MACROD1: variants seen among roughly 807,000 people sequenced by gnomAD.
MACROD1 encodes the protein ADP-ribose glycohydrolase MACROD1.
In MACROD1, 31 loss-of-function variants were observed where a neutral mutation model predicts 41.4. The observed-to-expected ratio is 0.75, with a 90% confidence interval of 0.56 to 1.01. MACROD1 has a LOEUF of 1.01. MACROD1 is among the 50% of genes least tolerant of loss of function. MACROD1 has a pLI of 0.00. For missense variants in MACROD1, 473 were observed against 460.0 expected (o/e 1.03, Z -0.26); for synonymous variants, 252 against 203.4 (o/e 1.24, Z -2.03).
rs1398012917 is a variant in MACROD1, at chr11:64,122,335, G to A, written c.517+28904C>T. On this transcript the variant is annotated intron_variant, in intron 3 of 10. Coordinates refer to ENST00000255681, the MANE Select transcript of MACROD1 (RefSeq NM_014067.4). The surrounding 1 kb of genome is among the most constrained non-coding windows in gnomAD (Gnocchi z 4.0). Reference sequence around the variant, plus strand: ...GGCCAGGATGCAGGTCCGGAGCCAAGAGCAGGGGCATTGCACCTTCCTGGC... The same window carrying A: ...GGCCAGGATGCAGGTCCGGAGCCAAAAGCAGGGGCATTGCACCTTCCTGGC... 6.6e-6 allele frequency among the ~76,000 whole-genome samples: 1 copy of A among 152,212 alleles called. No homozygotes were observed. The highest frequency in any genetic ancestry group is 2.4e-5 in the African/African-American group (1 of 41,462).
intron 3 of MACROD1, among the ~76,000 whole-genome samples, chr11:64,029,376 C>G (rs1417897769): frequency 1.3e-5 from 2 of 152,124 alleles, no homozygotes; most frequent in Non-Finnish European, 2.9e-5. Flanking sequence ...TGGGGGGATC[C>G]CCAGTAGAGG....
In MACROD1 at chr11:64,122,813, T is replaced by A. The variant is rs1240671784; in HGVS notation, c.517+28426A>T. ...ATCCCTGAAGGGTTGGAGGGGCTGG[T>A]CAGGGCCTGAGCAGAGGACAGGCTG... On this transcript the variant is annotated intron_variant, in intron 3 of 10. Transcript: ENST00000255681. The surrounding 1 kb of genome is among the most constrained non-coding windows in gnomAD (Gnocchi z 4.0). 2.0e-5 allele frequency among the ~76,000 whole-genome samples: 3 copies of A among 152,090 alleles called. No homozygotes were observed. Among genetic ancestry groups the A allele is most frequent in the Non-Finnish European group, 2.9e-5 (2 of 68,016 alleles).
intron 3 of MACROD1, among the ~76,000 whole-genome samples, chr11:64,150,650 A>G (rs2134702026): frequency 6.6e-6 from 1 of 152,136 alleles, no homozygotes; most frequent in Admixed American, 6.5e-5. Context: ...CCAGACAACC[A>G]CTAGCTGTGT....
At position 64,012,897 on chromosome 11, in the gene MACROD1, G is replaced by A. The variant is rs186221139; in HGVS notation, c.547+2355C>T. On this transcript the variant is annotated intron_variant, in intron 4 of 10. Coordinates refer to ENST00000255681, the MANE Select transcript of MACROD1 (RefSeq NM_014067.4). ...GTCACCCTGGCTGGAGGGCAGTGGCGCAATCATGGCTCACTGCAGCCTTAA... is the reference window on the plus strand; with the variant it reads ...GTCACCCTGGCTGGAGGGCAGTGGCACAATCATGGCTCACTGCAGCCTTAA... 2.0e-3 allele frequency among the ~76,000 whole-genome samples: 307 copies of A among 152,198 alleles called. 1 individual carries two copies. Among genetic ancestry groups the A allele is most frequent in the African/African-American group, 6.8e-3 (283 of 41,522 alleles).
rs567108018 is a variant in MACROD1 at position 64,120,214 on chromosome 11, G to A, written c.517+31025C>T. Among the ~76,000 whole-genome samples, 11 of 152,328 alleles carry A rather than the reference G, an allele frequency of 7.2e-5. No individual in the cohort carries two copies. In the East Asian group the frequency reaches 1.9e-3, roughly 27 times the overall value. ...AAAAATGGGCACAGGCTCCCAGCAC[G>A]GCCTGGGGGGGCTAGCCCACGAAAT... is the stretch of plus-strand genomic sequence containing the variant. On this transcript the variant is annotated intron_variant, in intron 3 of 10. Coordinates refer to ENST00000255681, the MANE Select transcript of MACROD1 (RefSeq NM_014067.4). This position sits in a 1 kb window ranked among gnomAD's most constrained non-coding sequence, Gnocchi z 4.5.
intron 3 of MACROD1, among the ~76,000 whole-genome samples, chr11:64,072,494 C>T (rs542737718): frequency 1.3e-5 from 2 of 152,176 alleles, no homozygotes; most frequent in Admixed American, 1.3e-4. Context: ...CCATAAGTTA[C>T]GAGCATGATG....
chr11:64,007,410 G>A (rs913998426), intron 4 of MACROD1, among the ~76,000 whole-genome samples: 13 of 152,220 alleles, frequency 8.5e-5, no homozygotes, highest in Admixed American at 4.6e-4. Context: ...AGAGCCCTGA[G>A]TAATGAGAAA....
rs1590858967 is a variant in MACROD1, at chr11:64,064,678, A to T, written c.518-49397T>A. On this transcript the variant is annotated intron_variant, in intron 3 of 10. Coordinates refer to ENST00000255681, the MANE Select transcript of MACROD1 (RefSeq NM_014067.4). The surrounding 1 kb of genome is among the most constrained non-coding windows in gnomAD (Gnocchi z 4.5). ...TCTGGCAGGACATTAAACGGCACCG[A>T]GATAGAAGGAGGGGGGCCCTCCCTG... Among the ~76,000 whole-genome samples the T allele has an allele frequency of 9.3e-6, 1 of 107,828 alleles. No homozygotes were observed. The highest frequency in any genetic ancestry group is 5.8e-4 in the East Asian group (1 of 1,716). 70.7% of individuals were successfully genotyped at this position (107,828 alleles called of 152,430 possible).
rs1399250963 is a variant in MACROD1, at chr11:64,075,192, G to A, written c.518-59911C>T. ...GCAGCGCATGAGGGTCTGAGGCCAT[G>A]AGCCTGGACCATTCTGATCCACATG... On this transcript the variant is annotated intron_variant, in intron 3 of 10. Transcript: ENST00000255681. Among the ~76,000 whole-genome samples, 8 of 152,236 alleles carry A rather than the reference G, an allele frequency of 5.3e-5. 1 individual carries two copies. Among genetic ancestry groups the A allele is most frequent in the Non-Finnish European group, 1.2e-4 (8 of 68,042 alleles).
chr11:64,042,935 CTG>C (rs1943516316), intron 3 of MACROD1, among the ~76,000 whole-genome samples: 1 of 152,232 alleles, frequency 6.6e-6, no homozygotes, highest in African/African-American at 2.4e-5. Flanking sequence ...AGCAGGGAGA[CTG>C]AGGCACAGAG....
At chr11:64,099,980 G>A (rs1944643140) in intron 3 of MACROD1, among the ~76,000 whole-genome samples, 1 of 152,156 alleles carries the variant, frequency 6.6e-6, no homozygotes, top group Admixed American at 6.5e-5. Flanking sequence ...GCAGTGTTTG[G>A]TGGATGGTCC....
chr11:63,999,791 C>A (rs1384949584), intron 5 of MACROD1, 28 bp from the exon 6 acceptor site: 17 of 1,592,738 alleles, frequency 1.1e-5, no homozygotes, highest in Non-Finnish European at 1.4e-5. Flanking sequence ...GTCAGACCGG[C>A]GGGGGTCTAC....
At chr11:64,139,963 G>GA (rs11370102) in intron 3 of MACROD1, among the ~76,000 whole-genome samples, 146,203 of 147,578 alleles carry the variant, frequency 0.99, 72,428 homozygotes, top group East Asian at 1. Context: ...CTCAAAAAAA[G>GA]AAAAAAAAAA....
intron 3 of MACROD1, among the ~76,000 whole-genome samples, chr11:64,070,412 C>T (rs568514454): frequency 7.9e-5 from 12 of 152,312 alleles, no homozygotes; most frequent in Admixed American, 4.6e-4. Flanking sequence ...CCGGCCACGC[C>T]TCTCCAGGAG....
chr11:64,114,726 A>AATGG (rs1944944327), intron 3 of MACROD1, among the ~76,000 whole-genome samples: 1 of 142,520 alleles, frequency 7.0e-6, no homozygotes, highest in African/African-American at 2.6e-5. Flanking sequence ...TGGATGGATG[A>AATGG]ATGGATGGAT....
chr11:64,081,840 G>C (rs1944309672), intron 3 of MACROD1: 1 of 152,106 alleles, frequency 6.6e-6, no homozygotes, highest in Non-Finnish European at 1.5e-5. Context: ...CCAATTCACA[G>C]ACATGAAGAC....
intron 3 of MACROD1, among the ~76,000 whole-genome samples, chr11:64,038,453 G>A (rs760321118): frequency 1.3e-5 from 2 of 152,212 alleles, no homozygotes; most frequent in Non-Finnish European, 2.9e-5. Flanking sequence ...AGAGGACTAG[G>A]GCTCCAGGTG....
intron 3 of MACROD1, among the ~76,000 whole-genome samples, chr11:64,088,912 G>A (rs912338147): frequency 1.3e-5 from 2 of 152,222 alleles, no homozygotes; most frequent in African/African-American, 2.4e-5. Context: ...AGTCATGGGC[G>A]GGGTTAGGAA....
At chr11:64,154,061 C>T (rs1473381488) in intron 1 of MACROD1, among the ~76,000 whole-genome samples, 1 of 152,168 alleles carries the variant, frequency 6.6e-6, no homozygotes, top group Admixed American at 6.5e-5. Context: ...CATGCAGCGG[C>T]CCCTCCTGCC....
Sources: gnomAD v4.1 joint callset for allele counts (sites outside exome capture counted in the v4.1 genomes callset) on GRCh38, gnomAD v4.1.1 for gene constraint, Gnocchi (gnomAD v3.1) non-coding constraint, MANE v1.5 for transcripts, NCBI Gene and HGNC (gene_info 2026-07-23, HGNC 2026-07-21) for gene names.